The following DENND2C variants were observed in gnomAD, a reference collection of about 807,000 sequenced individuals.
The protein encoded by DENND2C is DENN domain-containing protein 2C.
DENND2C carries 72 observed loss-of-function variants against 112.4 expected under a neutral mutation model. The ratio of observed to expected loss-of-function variants is 0.64; its 90% CI spans 0.53 to 0.78. DENND2C has a LOEUF of 0.78. Ranked by LOEUF, DENND2C falls within the 30% of genes least tolerant of loss-of-function variation. DENND2C has a pLI of 0.00. For missense variants in DENND2C, 992 were observed against 1,113.8 expected (o/e 0.89, Z 1.56); for synonymous variants, 329 against 381.6 (o/e 0.86, Z 1.61).
intron 3 of DENND2C, among the ~76,000 whole-genome samples, chr1:114,643,174 C>T (rs921974919): frequency 6.6e-6 from 1 of 152,096 alleles, no homozygotes; most frequent in Admixed American, 6.6e-5. Flanking sequence ...TCTTAGAAGA[C>T]TTAAAGTAAA....
At position 114,608,687 on chromosome 1, in the gene DENND2C, T is replaced by C; in HGVS notation, c.1556A>G (p.Lys519Arg). ...IPQVIQQFPGKDDHGYKQSKD... is the reference protein window; with the variant it reads ...IPQVIQQFPGRDDHGYKQSKD... The stretch of plus-strand genomic sequence containing the variant: ...GCCTCTTGGCCTCCTTGTGCCTACC[T>C]TGCCAGGGAATTGTTGTATGACCTG... Residue 519 changes from lysine to arginine, a missense_variant and splice_region_variant, in exon 10 of 21, where the codon AAG becomes AGG. Lys to Arg is a conservative substitution (Grantham distance 26). Around this residue, in one of 3 missense-constraint regions of DENND2C, gnomAD observed 516 missense variants for 623.6 expected, o/e 0.83. Coordinates refer to ENST00000393274, the MANE Select transcript of DENND2C (RefSeq NM_001256404.2). 1 of 1,613,256 alleles carries C rather than the reference T, an allele frequency of 6.2e-7. No individual in the cohort carries two copies. The highest frequency in any genetic ancestry group is 8.5e-7 in the Non-Finnish European group (1 of 1,179,484).
chr1:114,610,602 A>C (rs940618824), intron 9 of DENND2C, among the ~76,000 whole-genome samples: 1 of 151,662 alleles, frequency 6.6e-6, no homozygotes, highest in East Asian at 1.9e-4. Flanking sequence ...CAGGAGGCTG[A>C]GGCAGGAGAA....
At position 114,634,128 on chromosome 1, in the gene DENND2C, G is replaced by T. The variant is rs187453284; in HGVS notation, c.-204-7940C>A. 1.6e-3 allele frequency among the ~76,000 whole-genome samples: 239 copies of T among 152,252 alleles called. 1 individual carries two copies. The highest frequency in any genetic ancestry group is 4.1e-3 in the Admixed American group (62 of 15,288). On this transcript the variant is annotated intron_variant, in intron 3 of 20. Coordinates refer to ENST00000393274, the MANE Select transcript of DENND2C (RefSeq NM_001256404.2). ...AATAAGAGTTTCAAAAATGTAAGAAGCAAGAAAATATCAGAACTAAAAAGC... is the reference window on the plus strand; with the variant it reads ...AATAAGAGTTTCAAAAATGTAAGAATCAAGAAAATATCAGAACTAAAAAGC...
At chr1:114,634,480 C>T (rs993182212) in intron 3 of DENND2C, among the ~76,000 whole-genome samples, 3 of 151,922 alleles carry the variant, frequency 2.0e-5, no homozygotes, top group Non-Finnish European at 2.9e-5. Flanking sequence ...ACTATAGACG[C>T]GTGCCACCAA....
intron 8 of DENND2C, among the ~76,000 whole-genome samples, chr1:114,614,638 T>C (rs1309344090): frequency 1.3e-5 from 2 of 152,190 alleles, no homozygotes; most frequent in African/African-American, 4.8e-5. Context: ...CTTCAAAAAC[T>C]TGTCTTAGAA....
At chr1:114,612,443 C>A (rs1655847962) in intron 8 of DENND2C, among the ~76,000 whole-genome samples, 1 of 151,690 alleles carries the variant, frequency 6.6e-6, no homozygotes, top group African/African-American at 2.4e-5. Flanking sequence ...CCTCTGCCTC[C>A]CGGACTCAAC....
rs374636363 is a variant in DENND2C, at chr1:114,635,026, T to TAAAAAAAAA, written c.-204-8847_-204-8839dup. Among the ~76,000 whole-genome samples the TAAAAAAAAA allele has an allele frequency of 3.4e-4, 32 of 94,456 alleles. 1 individual carries two copies. The highest frequency in any genetic ancestry group is 1.3e-3 in the East Asian group (4 of 3,170). The allele number at this position is 94,456 out of a possible 152,430, so 62.0% of individuals were successfully genotyped here. A position where few individuals can be genotyped will look rare whatever the true frequency, so the allele number is the denominator to read the frequency against. On this transcript the variant is annotated intron_variant, in intron 3 of 20. Coordinates refer to ENST00000393274, the MANE Select transcript of DENND2C (RefSeq NM_001256404.2). ...CTGAGTGATAGAGTGAGACTCCGTC[T>TAAAAAAAAA]AAAAAAAAAAAAAAAAAAGAAAAAA... is the stretch of plus-strand genomic sequence containing the variant.
rs778438478 is a variant in DENND2C at position 114,625,195 on chromosome 1, T to G, written c.790A>C (p.Arg264=). 1 of 1,607,782 alleles carries G rather than the reference T, an allele frequency of 6.2e-7. No individual in the cohort carries two copies. The highest frequency in any genetic ancestry group is 8.5e-7 in the Non-Finnish European group (1 of 1,178,250). Reference sequence around the variant, plus strand: ...AAAACATACCTTTTAGATCTTCCTCTGATTTTTCCACCATATTTCTTTGGT... The same window carrying G: ...AAAACATACCTTTTAGATCTTCCTCGGATTTTTCCACCATATTTCTTTGGT... The part of the protein sequence containing the change: ...PEPKKYGGKI[R]GRSKRKSFEF... The change falls in exon 4 of 21, where the codon AGA becomes CGA. Residue 264 remains arginine (R), a synonymous_variant. Transcript: ENST00000393274.
chr1:114,644,158 T>A (rs1231055847), intron 3 of DENND2C, among the ~76,000 whole-genome samples: 1 of 152,164 alleles, frequency 6.6e-6, no homozygotes, highest in Non-Finnish European at 1.5e-5. Context: ...CAGGCCACCA[T>A]CACTTCTTCC....
At chr1:114,594,679 G>T (rs1452997745) in intron 17 of DENND2C, 101 bp from the exon 18 acceptor site, 5 of 974,492 alleles carry the variant, frequency 5.1e-6, no homozygotes, top group African/African-American at 3.3e-5. Flanking sequence ...ACAAGTGACT[G>T]TATATATTTT....
intron 11 of DENND2C, 71 bp from the exon 12 acceptor site, chr1:114,602,265 T>C (rs1655534069): frequency 1.3e-6 from 2 of 1,509,970 alleles, no homozygotes; most frequent in South Asian, 1.2e-5. Flanking sequence ...GAACAAACAA[T>C]TGAAAACTAG....
chr1:114,587,299 G>A, intron 20 of DENND2C, 88 bp downstream of exon 20: 3 of 1,440,286 alleles, frequency 2.1e-6, no homozygotes, highest in Non-Finnish European at 2.9e-6. Context: ...CTCCTTACTT[G>A]ACCTCGCAAA....
Position 114,611,060 on chromosome 1 carries a change from T to C in DENND2C, c.1369+13A>G, listed in dbSNP as rs370354856. 2.1e-5 allele frequency: 34 copies of C among 1,614,050 alleles called. No homozygotes were observed. In the African/African-American group the frequency reaches 3.6e-4, roughly 17 times the overall value. On this transcript the variant is annotated intron_variant, in intron 9 of 20. Coordinates refer to ENST00000393274, the MANE Select transcript of DENND2C (RefSeq NM_001256404.2). Reference sequence around the variant, plus strand: ...CATCACAACAACGGGAGCAGCCCCATTGACTCACTCACTCTTTGGCAGATA... The same window carrying C: ...CATCACAACAACGGGAGCAGCCCCACTGACTCACTCACTCTTTGGCAGATA...
chr1:114,620,265 T>G (rs1656128473), intron 7 of DENND2C, among the ~76,000 whole-genome samples: 1 of 152,254 alleles, frequency 6.6e-6, no homozygotes, highest in Non-Finnish European at 1.5e-5. Flanking sequence ...CTGTCATGGC[T>G]TGTTCCTGCC....
At chr1:114,639,870 C>G (rs562848630) in intron 3 of DENND2C, among the ~76,000 whole-genome samples, 9 of 152,160 alleles carry the variant, frequency 5.9e-5, no homozygotes, top group Admixed American at 5.2e-4. Context: ...CTTTTTAATT[C>G]TATCAATATT....
intron 4 of DENND2C, among the ~76,000 whole-genome samples, chr1:114,624,468 C>CTT (rs59282823): frequency 4.2e-4 from 63 of 149,156 alleles, no homozygotes; most frequent in African/African-American, 9.8e-4. Flanking sequence ...TTTCTTTTTT[C>CTT]TTTTTTTTTA....
At chr1:114,602,403 C>T (rs1370627880) in intron 11 of DENND2C, among the ~76,000 whole-genome samples, 2 of 152,160 alleles carry the variant, frequency 1.3e-5, no homozygotes, top group East Asian at 1.9e-4. Context: ...CATAATATTA[C>T]ATTCATTGCA....
chr1:114,663,900 C>T (rs933716729), intron 1 of DENND2C, among the ~76,000 whole-genome samples: 9 of 151,862 alleles, frequency 5.9e-5, no homozygotes, highest in African/African-American at 2.4e-5. Flanking sequence ...TGCTATCTAG[C>T]CCTTTACAGA....
Position 114,624,624 on chromosome 1 carries a change from C to CT in DENND2C, c.806+554dup, listed in dbSNP as rs67241623. Among the ~76,000 whole-genome samples, 107 of 126,974 alleles carry CT rather than the reference C, an allele frequency of 8.4e-4. 4 individuals carry two copies. In the East Asian group the frequency reaches 0.017, roughly 20 times the overall value. 83.3% of individuals were successfully genotyped at this position (126,974 alleles called of 152,430 possible). A position where few individuals can be genotyped will look rare whatever the true frequency, so the allele number is the denominator to read the frequency against. ...TCCTATAGATTAATTTTCTTTTTTT[C>CT]TTTTTTTTTTTTTTTGAGACTGAGT... On this transcript the variant is annotated intron_variant, in intron 4 of 20. Coordinates refer to ENST00000393274, the MANE Select transcript of DENND2C (RefSeq NM_001256404.2).
Sources: allele counts gnomAD v4.1 joint callset (sites outside exome capture counted in the v4.1 genomes callset), GRCh38; gene constraint gnomAD v4.1.1; regional missense constraint gnomAD v4.1.1; transcripts MANE v1.5; gene names NCBI Gene and HGNC (gene_info 2026-07-23, HGNC 2026-07-21).